The following KIAA1328 variants were observed in gnomAD, a reference collection of about 807,000 sequenced individuals.
The protein encoded by KIAA1328 is protein hinderin.
A neutral mutation model predicts 68.1 loss-of-function variants in KIAA1328; 52 were observed. That is an observed-to-expected ratio of 0.76 (90% CI 0.61 to 0.96). The LOEUF (loss-of-function observed/expected upper bound fraction) is 0.96. Ranked by LOEUF, KIAA1328 falls within the 40% of genes least tolerant of loss-of-function variation. KIAA1328 has a pLI of 0.00. For synonymous variants in KIAA1328, 232 were observed against 239.4 expected, an observed-to-expected ratio of 0.97 and a Z score of 0.28; for missense variants, 641 against 677.6, an observed-to-expected ratio of 0.95 and a Z score of 0.60.
chr18:37,153,801 G>C (rs1449401707), intron 7 of KIAA1328, among the ~76,000 whole-genome samples: 1 of 130,308 alleles, frequency 7.7e-6, no homozygotes, highest in Non-Finnish European at 1.6e-5. Context: ...GTATCTATCT[G>C]TTTCTCCAGC....
At chr18:36,874,371 G>A (rs1037876280) in intron 4 of KIAA1328, among the ~76,000 whole-genome samples, 4 of 152,060 alleles carry the variant, frequency 2.6e-5, no homozygotes, top group Non-Finnish European at 5.9e-5. Context: ...TTTTGTGATC[G>A]CCATTCTAAC....
chr18:37,201,992 ACCAGCATTT>A (rs2060123801), intron 9 of KIAA1328, among the ~76,000 whole-genome samples: 1 of 152,204 alleles, frequency 6.6e-6, no homozygotes, highest in African/African-American at 2.4e-5. Context: ...TGGTGAAATA[ACCAGCATTT>A]CCAATTGTGA....
chr18:37,099,712 G>A (rs2057537518), intron 7 of KIAA1328, among the ~76,000 whole-genome samples: 1 of 152,134 alleles, frequency 6.6e-6, no homozygotes, highest in Admixed American at 6.5e-5. Context: ...GGGAGTCTAA[G>A]TCTCTTTGTA....
intron 5 of KIAA1328, among the ~76,000 whole-genome samples, chr18:36,916,612 C>T (rs1424240768): frequency 6.6e-6 from 1 of 152,032 alleles, no homozygotes. Context: ...CAGTCATTGT[C>T]CTAAGCAATT....
At chr18:37,040,714 G>C (rs2055212097) in intron 6 of KIAA1328, among the ~76,000 whole-genome samples, 1 of 151,136 alleles carries the variant, frequency 6.6e-6, no homozygotes, top group African/African-American at 2.4e-5. Context: ...TCTAAATGCT[G>C]CTTTGGCTGC....
At chr18:37,100,974 G>A (rs2057594680) in intron 7 of KIAA1328, among the ~76,000 whole-genome samples, 1 of 152,128 alleles carries the variant, frequency 6.6e-6, no homozygotes, top group African/African-American at 2.4e-5. Context: ...CTGTTAGAAG[G>A]AAAACTAACA....
At chr18:37,159,141 C>A in intron 7 of KIAA1328, among the ~76,000 whole-genome samples, 1 of 151,622 alleles carries the variant, frequency 6.6e-6, no homozygotes, top group Middle Eastern at 3.4e-3. Flanking sequence ...TTATATAATT[C>A]TGAACATAAA....
intron 9 of KIAA1328, among the ~76,000 whole-genome samples, chr18:37,202,570 A>G (rs1028015998): frequency 6.6e-6 from 1 of 152,170 alleles, no homozygotes; most frequent in African/African-American, 2.4e-5. Context: ...AATAATTGTC[A>G]CTGGATGATG....
chr18:36,947,854 A>G (rs986925338), intron 5 of KIAA1328, among the ~76,000 whole-genome samples: 11 of 152,180 alleles, frequency 7.2e-5, no homozygotes, highest in Non-Finnish European at 4.4e-5. Flanking sequence ...CCTGGTATCT[A>G]TCATATACTT....
chr18:37,217,947 G>A (rs984779634), intron 9 of KIAA1328, among the ~76,000 whole-genome samples: 1 of 152,176 alleles, frequency 6.6e-6, no homozygotes, highest in African/African-American at 2.4e-5. Flanking sequence ...GCCACACTTT[G>A]AGACAAATTA....
chr18:37,027,586 T>C, intron 6 of KIAA1328, among the ~76,000 whole-genome samples: 1 of 152,172 alleles, frequency 6.6e-6, no homozygotes, highest in Middle Eastern at 3.2e-3. Context: ...CATCTGATCT[T>C]TGACAAACCT....
chr18:37,077,713 G>T, intron 7 of KIAA1328, among the ~76,000 whole-genome samples: 1 of 132,854 alleles, frequency 7.5e-6, no homozygotes, highest in African/African-American at 3.4e-5. Context: ...AATCATGAGT[G>T]AACTCCCATT....
intron 3 of KIAA1328, among the ~76,000 whole-genome samples, chr18:36,836,372 C>T (rs183172734): frequency 1.6e-4 from 25 of 152,200 alleles, no homozygotes; most frequent in South Asian, 6.2e-4. Context: ...TATTTTTGTC[C>T]TATTGGCTAT....
intron 8 of KIAA1328, among the ~76,000 whole-genome samples, chr18:37,169,517 GTT>G (rs1009416027): frequency 1.3e-5 from 2 of 151,150 alleles, no homozygotes; most frequent in South Asian, 4.2e-4. Context: ...GTGTGTCTGT[GTT>G]TGTGTGTGTG....
At chr18:37,174,356 C>G (rs1352198621) in intron 9 of KIAA1328, among the ~76,000 whole-genome samples, 1 of 150,300 alleles carries the variant, frequency 6.7e-6, no homozygotes, top group African/African-American at 2.4e-5. Flanking sequence ...TTTGCCGCAT[C>G]CTTTCACTGT....
intron 7 of KIAA1328, among the ~76,000 whole-genome samples, chr18:37,147,625 T>G (rs189889451): frequency 2.6e-5 from 4 of 152,178 alleles, no homozygotes; most frequent in African/African-American, 7.2e-5. Flanking sequence ...TCCAAACTCC[T>G]TCTTTGTACA....
intron 7 of KIAA1328, among the ~76,000 whole-genome samples, chr18:37,098,910 C>A (rs977749071): frequency 2.6e-5 from 4 of 151,972 alleles, no homozygotes; most frequent in Non-Finnish European, 5.9e-5. Context: ...TCTGTGGGAT[C>A]GGTGGCAATA....
At chr18:36,909,911 G>T (rs938007204) in intron 5 of KIAA1328, among the ~76,000 whole-genome samples, 3 of 152,114 alleles carry the variant, frequency 2.0e-5, no homozygotes, top group Non-Finnish European at 2.9e-5. Context: ...TCATGTGTCT[G>T]TTGGCTGCAT....
intron 7 of KIAA1328, among the ~76,000 whole-genome samples, chr18:37,136,059 T>C (rs771562163): frequency 6.6e-6 from 1 of 152,182 alleles, no homozygotes; most frequent in African/African-American, 2.4e-5. Flanking sequence ...TGTAACCTTA[T>C]AGTATAGTTT....
Sources: gnomAD v4.1 joint callset for allele counts (sites outside exome capture counted in the v4.1 genomes callset) on GRCh38, gnomAD v4.1.1 for gene constraint, MANE v1.5 for transcripts, NCBI Gene and HGNC (gene_info 2026-07-23, HGNC 2026-07-21) for gene names.